The following ZBTB10 variants were observed in gnomAD, a reference collection of about 807,000 sequenced individuals.
The protein encoded by ZBTB10 is zinc finger and BTB domain-containing protein 10.
ZBTB10 carries 32 observed loss-of-function variants against 76.4 expected under a neutral mutation model. The ratio of observed to expected loss-of-function variants is 0.42; its 90% CI spans 0.32 to 0.56. ZBTB10 has a LOEUF of 0.56. Among genes scored for constraint, ZBTB10 ranks in the 20% least tolerant of loss-of-function variants. The pLI is 0.14. For missense variants in ZBTB10, 1,057 were observed against 1,098.5 expected, an observed-to-expected ratio of 0.96 and a Z score of 0.53; for synonymous variants, 523 against 432.9, an observed-to-expected ratio of 1.21 and a Z score of -2.58.
At chr8:80,492,431 G>A (rs1342149990) in intron 1 of ZBTB10, among the ~76,000 whole-genome samples, 3 of 151,802 alleles carry the variant, frequency 2.0e-5, no homozygotes, top group South Asian at 4.2e-4. Flanking sequence ...AGACATGACC[G>A]AAAAAAGACA....
chr8:80,513,443 A>G (rs975779962), intron 2 of ZBTB10, among the ~76,000 whole-genome samples: 1 of 152,180 alleles, frequency 6.6e-6, no homozygotes, highest in African/African-American at 2.4e-5. Context: ...ACTTCCAGCT[A>G]AGCAGTCTAG....
chr8:80,490,379 G>A (rs1041455972), intron 1 of ZBTB10, among the ~76,000 whole-genome samples: 3 of 152,042 alleles, frequency 2.0e-5, no homozygotes, highest in African/African-American at 7.3e-5. Flanking sequence ...AGAACTACAG[G>A]TGCGCGCCAC....
In ZBTB10 at chr8:80,523,242, A is replaced by G. The variant is rs1488658016; in HGVS notation, c.*3714A>G. The G allele has an allele frequency of 6.6e-6, 1 of 151,858 alleles. No individual in the cohort carries two copies. Among genetic ancestry groups the G allele is most frequent in the African/African-American group, 2.4e-5 (1 of 41,420 alleles). 9.4% of individuals were successfully genotyped at this position (151,858 alleles called of 1,614,324 possible). On this transcript the variant is annotated 3_prime_UTR_variant, in exon 6 of 6. Transcript: ENST00000455036. ...GCCCATACTCTTTCAGGGAGGCTCT[A>G]TTGCTGCCTCATTAAACAACTCTTG... is the stretch of plus-strand genomic sequence containing the variant.
At chr8:80,508,045 G>T (rs1049413907) in intron 2 of ZBTB10, among the ~76,000 whole-genome samples, 3 of 152,180 alleles carry the variant, frequency 2.0e-5, no homozygotes, top group Non-Finnish European at 1.5e-5. Context: ...TTCCCCTTTT[G>T]CTGTGCTTAC....
In ZBTB10 at chr8:80,520,922, A is replaced by T. The variant is rs765402720; in HGVS notation, c.*1394A>T. 3 of 151,936 alleles carry T rather than the reference A, an allele frequency of 2.0e-5. No homozygotes were observed. The highest frequency in any genetic ancestry group is 7.2e-5 in the African/African-American group (3 of 41,436). The allele number at this position is 151,936 out of a possible 1,614,324, so 9.4% of individuals were successfully genotyped here. ...GTTAACATGTATGGCATTTATTAGC[A>T]TATTGTATATTATATAAGATTGAGG... On this transcript the variant is annotated 3_prime_UTR_variant, in exon 6 of 6. Transcript: ENST00000455036.
Position 80,518,806 on chromosome 8 carries a change from A to G in ZBTB10, c.2162A>G (p.Lys721Arg), listed in dbSNP as rs746037458. The G allele has an allele frequency of 6.2e-7, 1 of 1,611,908 alleles. No homozygotes were observed. The highest frequency in any genetic ancestry group is 2.2e-5 in the East Asian group (1 of 44,814). ...ENGESSLIMN[K>R]LKCPHCSYVA... ...GGTGAATCATCTCTAATCATGAACA[A>G]GTTAAAATGCCCTCATTGTAGCTAT... The change falls in exon 5 of 6, where the codon AAG (lysine) becomes AGG (arginine). Residue 721 changes from lysine to arginine, a missense_variant. By Grantham distance (26) the Lys-to-Arg change is conservative. This residue lies in a region of ZBTB10 where 54 missense variants were observed against 138.1 expected (regional missense o/e 0.39). Transcript: ENST00000455036.
chr8:80,486,236 C>G lies in ZBTB10; in HGVS notation c.-575C>G, dbSNP rs1727657928. 16 of 1,036,290 alleles carry G rather than the reference C, an allele frequency of 1.5e-5. No homozygotes were observed. Among genetic ancestry groups the G allele is most frequent in the South Asian group, 3.8e-5 (1 of 26,104 alleles). The allele number at this position is 1,036,290 out of a possible 1,614,324, so 64.2% of individuals were successfully genotyped here. A position where few individuals can be genotyped will look rare whatever the true frequency, so the allele number is the denominator to read the frequency against. On this transcript the variant is annotated 5_prime_UTR_variant, in exon 1 of 6. Transcript: ENST00000455036. Reference sequence around the variant, plus strand: ...CACGGTCCGTTGTTCATTTGCCATTCGACCTCCGCCAGGGCCTGGTCGGAC... The same window carrying G: ...CACGGTCCGTTGTTCATTTGCCATTGGACCTCCGCCAGGGCCTGGTCGGAC...
Position 80,510,639 on chromosome 8 carries a change from A to AGTGTGTGTGTGTGT in ZBTB10, c.1862-3244_1862-3231dup, listed in dbSNP as rs58749656. ...AAAATAGCCGTCATTTTGTGAAACC[A>AGTGTGTGTGTGTGT]GTGTGTGTGTGTGTGTGTGTGTGTG... On this transcript the variant is annotated intron_variant, in intron 2 of 5. Transcript: ENST00000455036. Among the ~76,000 whole-genome samples the AGTGTGTGTGTGTGT allele has an allele frequency of 4.8e-5, 6 of 125,688 alleles. No homozygotes were observed. In the East Asian group the frequency reaches 8.2e-4, roughly 17 times the overall value. The allele number at this position is 125,688 out of a possible 152,430, so 82.5% of individuals were successfully genotyped here. A position where few individuals can be genotyped will look rare whatever the true frequency, so the allele number is the denominator to read the frequency against.
intron 2 of ZBTB10, among the ~76,000 whole-genome samples, chr8:80,501,139 T>C (rs1432982951): frequency 6.6e-6 from 1 of 152,196 alleles, no homozygotes; most frequent in Admixed American, 6.6e-5. Flanking sequence ...GTGCTGGGAT[T>C]ACAGACATGA....
At chr8:80,498,857 C>T (rs1187000402) in intron 1 of ZBTB10, among the ~76,000 whole-genome samples, 1 of 152,088 alleles carries the variant, frequency 6.6e-6, no homozygotes, top group Non-Finnish European at 1.5e-5. Flanking sequence ...GTTTATAGTA[C>T]TTATGACCCT....
intron 1 of ZBTB10, among the ~76,000 whole-genome samples, chr8:80,495,135 C>CTCT (rs1554551528): frequency 7.1e-6 from 1 of 140,528 alleles, no homozygotes. Flanking sequence ...CTCTCTCTCT[C>CTCT]TTTTTTTTTT....
chr8:80,503,803 C>T (rs574536698), intron 2 of ZBTB10, among the ~76,000 whole-genome samples: 30 of 152,314 alleles, frequency 2.0e-4, no homozygotes, highest in Admixed American at 1.6e-3. Context: ...GGAATACAGG[C>T]GTGAGCCACT....
chr8:80,485,791 G>A, upstream of ZBTB10: 3 of 1,535,170 alleles, frequency 2.0e-6, no homozygotes, highest in Non-Finnish European at 2.6e-6. Context: ...CAAATGACAA[G>A]GCTGGAGCGC....
chr8:80,519,850 A>G lies in ZBTB10; in HGVS notation c.*322A>G, dbSNP rs1023652002. The G allele has an allele frequency of 5.1e-6, 1 of 197,490 alleles. No individual in the cohort carries two copies. The highest frequency in any genetic ancestry group is 5.2e-5 in the Admixed American group (1 of 19,248). 12.2% of individuals were successfully genotyped at this position (197,490 alleles called of 1,614,324 possible). A position where few individuals can be genotyped will look rare whatever the true frequency, so the allele number is the denominator to read the frequency against. On this transcript the variant is annotated 3_prime_UTR_variant, in exon 6 of 6. Coordinates refer to ENST00000455036, the MANE Select transcript of ZBTB10 (RefSeq NM_001105539.3). ...AATAGTCCTTAAAGAGCTTACATTC[A>G]TGTGCTACTTTAACATGAATGGAGA... is the stretch of plus-strand genomic sequence containing the variant.
Position 80,487,113 on chromosome 8 carries a change from C to G in ZBTB10, c.303C>G (p.Gly101=). 6.6e-7 allele frequency: 1 copy of G among 1,517,646 alleles called. No homozygotes were observed. The highest frequency in any genetic ancestry group is 1.7e-4 in the Middle Eastern group (1 of 5,884). The allele number at this position is 1,517,646 out of a possible 1,614,324, so 94.0% of individuals were successfully genotyped here. A position where few individuals can be genotyped will look rare whatever the true frequency, so the allele number is the denominator to read the frequency against. The change falls in exon 1 of 6, where the codon GGC becomes GGG. Residue 101 remains glycine, a synonymous_variant. Coordinates refer to ENST00000455036, the MANE Select transcript of ZBTB10 (RefSeq NM_001105539.3). ...AKELLLPQDA[G]GPTSLGGGAG... ...AGTTGCTGCTCCCCCAAGACGCGGG[C>G]GGCCCCACCTCGCTTGGCGGTGGCG...
In ZBTB10 at chr8:80,487,453, G is replaced by A. The variant is rs998571021; in HGVS notation, c.643G>A (p.Gly215Arg). ...SSSRRSGGDG[G>R]DEVEGSGVGA... ...CAGCAGGCGGTCGGGCGGCGATGGC[G>A]GGGACGAAGTGGAGGGCAGCGGTGT... The change falls in exon 1 of 6, where the codon GGG becomes AGG. Residue 215 changes from glycine to arginine, a missense_variant. Around this residue, in one of 5 missense-constraint regions of ZBTB10, gnomAD observed 556 missense variants for 451.7 expected, o/e 1.23. Transcript: ENST00000455036. 28 of 1,546,720 alleles carry A rather than the reference G, an allele frequency of 1.8e-5. No homozygotes were observed. The highest frequency in any genetic ancestry group is 5.9e-5 in the Admixed American group (3 of 50,796).
chr8:80,518,980 C>A, intron 5 of ZBTB10, 26 bp downstream of exon 5: 1 of 1,564,018 alleles, frequency 6.4e-7, no homozygotes, highest in South Asian at 1.2e-5. Flanking sequence ...TACAGCTGAT[C>A]TTTGAGATAA....
intron 2 of ZBTB10, among the ~76,000 whole-genome samples, chr8:80,510,739 A>G (rs1426426249): frequency 1.3e-5 from 2 of 152,158 alleles, no homozygotes; most frequent in African/African-American, 4.8e-5. Context: ...ATTAGTCTTC[A>G]GAAAGGATTT....
At position 80,520,282 on chromosome 8, in the gene ZBTB10, A is replaced by G. The variant is rs1239456702; in HGVS notation, c.*754A>G. On this transcript the variant is annotated 3_prime_UTR_variant, in exon 6 of 6. Transcript: ENST00000455036. ...CGTGGCGAAGTTGACAAATACCACT[A>G]AAATGATTATGATTTAGAAGTAACT... 1 of 152,544 alleles carries G rather than the reference A, an allele frequency of 6.6e-6. No individual in the cohort carries two copies. The highest frequency in any genetic ancestry group is 6.6e-5 in the Admixed American group (1 of 15,258). 9.4% of individuals were successfully genotyped at this position (152,544 alleles called of 1,614,324 possible). A position where few individuals can be genotyped will look rare whatever the true frequency, so the allele number is the denominator to read the frequency against.
Sources: allele counts gnomAD v4.1 joint callset (sites outside exome capture counted in the v4.1 genomes callset), GRCh38; gene constraint gnomAD v4.1.1; regional missense constraint gnomAD v4.1.1; transcripts MANE v1.5; gene names NCBI Gene and HGNC (gene_info 2026-07-23, HGNC 2026-07-21).